Variants in GLTP observed in about 807,000 individuals in gnomAD.
GLTP encodes the protein glycolipid transfer protein.
Under a neutral mutation model 24.0 loss-of-function variants are expected in GLTP, and 22 were observed. That is an observed-to-expected ratio of 0.92 (90% CI 0.65 to 1.31). The LOEUF (loss-of-function observed/expected upper bound fraction) is 1.31. Among genes scored for constraint, GLTP ranks in the 50% most tolerant of loss-of-function variants. GLTP has a pLI of 0.00. For missense variants in GLTP, 224 were observed against 276.6 expected (o/e 0.81, Z 1.35); for synonymous variants, 92 against 115.9 (o/e 0.79, Z 1.33).
At chr12:109,873,633 CAAAAAAAAAAA>C (rs774803716) in intron 1 of GLTP, among the ~76,000 whole-genome samples, 2 of 53,652 alleles carry the variant, frequency 3.7e-5, no homozygotes, top group Non-Finnish European at 8.0e-5. Context: ...GACTCTGTCT[CAAAAAAAAAAA>C]AAAAAAAAAA....
chr12:109,857,495 G>A lies in GLTP; in HGVS notation c.296+31C>T. 1 of 1,611,044 alleles carries A rather than the reference G, an allele frequency of 6.2e-7. No individual in the cohort carries two copies. Among genetic ancestry groups the A allele is most frequent in the Admixed American group, 1.7e-5 (1 of 59,902 alleles). On this transcript the variant is annotated intron_variant, in intron 3 of 4. Transcript: ENST00000318348. This position sits in a 1 kb window ranked among gnomAD's most constrained non-coding sequence, Gnocchi z 4.3. Reference sequence around the variant, plus strand: ...TTTGCTTTCCCTCCTCTGCAGCACAGAGCCCAGGCCCTGCCACCTGAGCCC... The same window carrying A: ...TTTGCTTTCCCTCCTCTGCAGCACAAAGCCCAGGCCCTGCCACCTGAGCCC...
intron 1 of GLTP, among the ~76,000 whole-genome samples, chr12:109,877,478 G>GGATA (rs1343115388): frequency 6.6e-6 from 1 of 152,082 alleles, no homozygotes; most frequent in Non-Finnish European, 1.5e-5. Flanking sequence ...GCCTCCCTGG[G>GGATA]GATAGTTTAG....
At chr12:109,875,836 CTAACAAAGGT>C (rs1383284165) in intron 1 of GLTP, among the ~76,000 whole-genome samples, 1 of 152,250 alleles carries the variant, frequency 6.6e-6, no homozygotes, top group Non-Finnish European at 1.5e-5. Flanking sequence ...CAAACCACAC[CTAACAAAGGT>C]TTAAGAAATG....
chr12:109,859,512 CTG>C lies in GLTP; in HGVS notation c.104-773_104-772del, dbSNP rs1892844270. On this transcript the variant is annotated intron_variant, in intron 1 of 4. Transcript: ENST00000318348. ...CCAGCCTGGGAAACAGAGCGAGACTCTGTCTCAAAAAATAATTTTTTTTTTGC... is the reference window on the plus strand; with the variant it reads ...CCAGCCTGGGAAACAGAGCGAGACTCTCTCAAAAAATAATTTTTTTTTTGC... Among the ~76,000 whole-genome samples, 3 of 135,370 alleles carry C rather than the reference CTG, an allele frequency of 2.2e-5. No homozygotes were observed. The South Asian group carries it at 8.0e-4, about 36-fold the overall frequency. The allele number at this position is 135,370 out of a possible 152,430, so 88.8% of individuals were successfully genotyped here.
chr12:109,862,764 A>C (rs147667543), intron 1 of GLTP, among the ~76,000 whole-genome samples: 27 of 152,068 alleles, frequency 1.8e-4, no homozygotes, highest in South Asian at 4.1e-4. Context: ...AAAAAATTAA[A>C]ATGTGGGCCA....
intron 1 of GLTP, among the ~76,000 whole-genome samples, chr12:109,868,910 G>A (rs1275453731): frequency 6.6e-6 from 1 of 152,120 alleles, no homozygotes; most frequent in African/African-American, 2.4e-5. Context: ...TACGAGCCTT[G>A]AGATTACCTA....
At chr12:109,869,325 G>A (rs372696613) in intron 1 of GLTP, among the ~76,000 whole-genome samples, 531 of 80,668 alleles carry the variant, frequency 6.6e-3, no homozygotes, top group Middle Eastern at 0.016. Context: ...AAAAAAGAAA[G>A]AAAGAAAGAA....
chr12:109,864,648 G>A (rs1868471644), intron 1 of GLTP, among the ~76,000 whole-genome samples: 1 of 152,030 alleles, frequency 6.6e-6, no homozygotes, highest in African/African-American at 2.4e-5. Flanking sequence ...GGAGTGCCAG[G>A]AACTCAGACA....
chr12:109,859,445 G>A (rs530310342), intron 1 of GLTP, among the ~76,000 whole-genome samples: 1 of 152,162 alleles, frequency 6.6e-6, no homozygotes, highest in African/African-American at 2.4e-5. Context: ...CTTGAACCCG[G>A]GAGGTGGAGG....
At chr12:109,870,984 G>T (rs528967490) in intron 1 of GLTP, among the ~76,000 whole-genome samples, 2 of 151,168 alleles carry the variant, frequency 1.3e-5, no homozygotes, top group East Asian at 3.9e-4. Flanking sequence ...CTCCATATAA[G>T]TACCACTGTA....
At chr12:109,865,131 G>T (rs1868483753) in intron 1 of GLTP, among the ~76,000 whole-genome samples, 1 of 152,128 alleles carries the variant, frequency 6.6e-6, no homozygotes, top group Admixed American at 6.5e-5. Context: ...TACCCTTCTT[G>T]TTTGACCAGT....
chr12:109,872,711 A>C (rs1868762642), intron 1 of GLTP, among the ~76,000 whole-genome samples: 1 of 152,196 alleles, frequency 6.6e-6, no homozygotes, highest in South Asian at 2.1e-4. Flanking sequence ...AAAATTGTAC[A>C]GCCATTGCAG....
chr12:109,875,052 C>T (rs1237623280), intron 1 of GLTP, among the ~76,000 whole-genome samples: 1 of 152,128 alleles, frequency 6.6e-6, no homozygotes, highest in African/African-American at 2.4e-5. Flanking sequence ...AGTGAGCCAC[C>T]ATGCCTGGCC....
Position 109,857,675 on chromosome 12 carries a change from C to G in GLTP, c.163-16G>C, listed in dbSNP as rs536328168. 1.2e-6 allele frequency: 2 copies of G among 1,613,996 alleles called. No individual in the cohort carries two copies. The highest frequency in any genetic ancestry group is 1.7e-6 in the Non-Finnish European group (2 of 1,179,978). ...CTTTGATTTTCTGAAATGGAGCACA[C>G]AAGATTTCCCCTTGGGTAAGCTGCC... On this transcript the variant is annotated splice_polypyrimidine_tract_variant and intron_variant, in intron 2 of 4. Transcript: ENST00000318348. This position sits in a 1 kb window ranked among gnomAD's most constrained non-coding sequence, Gnocchi z 4.3.
chr12:109,852,551 A>G lies in GLTP; in HGVS notation c.*4T>C. On this transcript the variant is annotated 3_prime_UTR_variant, in exon 5 of 5. Transcript: ENST00000318348. ...GTCGGGGACGTGTCCAGCAGTGGGC[A>G]TGCCTACACCTTGTAGTTAAGCTCA... 6.3e-7 allele frequency: 1 copy of G among 1,591,396 alleles called. No homozygotes were observed. The highest frequency in any genetic ancestry group is 1.1e-5 in the South Asian group (1 of 89,964).
At position 109,855,126 on chromosome 12, in the gene GLTP, A is replaced by G. The variant is rs1892778453; in HGVS notation, c.447+493T>C. Among the ~76,000 whole-genome samples the G allele has an allele frequency of 6.6e-6, 1 of 152,210 alleles. No individual in the cohort carries two copies. The highest frequency in any genetic ancestry group is 2.4e-5 in the African/African-American group (1 of 41,464). On this transcript the variant is annotated intron_variant, in intron 4 of 4. Coordinates refer to ENST00000318348, the MANE Select transcript of GLTP (RefSeq NM_016433.4). This position sits in a 1 kb window ranked among gnomAD's most constrained non-coding sequence, Gnocchi z 4.1. Reference sequence around the variant, plus strand: ...TCAACTGTAGGGCCCTCACCTAACCAGGCAGGTGCTGAAGCCTCACCTCCA... The same window carrying G: ...TCAACTGTAGGGCCCTCACCTAACCGGGCAGGTGCTGAAGCCTCACCTCCA...
At chr12:109,877,094 T>G (rs1029291461) in intron 1 of GLTP, among the ~76,000 whole-genome samples, 4 of 152,176 alleles carry the variant, frequency 2.6e-5, no homozygotes, top group African/African-American at 9.7e-5. Flanking sequence ...CCTCAAGAGA[T>G]CCGCCCACCT....
chr12:109,872,862 T>C (rs940396124), intron 1 of GLTP, among the ~76,000 whole-genome samples: 11 of 152,198 alleles, frequency 7.2e-5, no homozygotes, highest in African/African-American at 2.7e-4. Flanking sequence ...TCACCTGCTA[T>C]ATTAGGAGGG....
chr12:109,874,406 T>G (rs1868820905), intron 1 of GLTP, among the ~76,000 whole-genome samples: 1 of 152,204 alleles, frequency 6.6e-6, no homozygotes, highest in South Asian at 2.1e-4. Flanking sequence ...TAGGACTATT[T>G]AATGCGTGCC....
Sources: gnomAD v4.1 joint callset for allele counts (sites outside exome capture counted in the v4.1 genomes callset) on GRCh38, gnomAD v4.1.1 for gene constraint, Gnocchi (gnomAD v3.1) non-coding constraint, MANE v1.5 for transcripts, NCBI Gene and HGNC (gene_info 2026-07-23, HGNC 2026-07-21) for gene names.